The following SLC16A3 variants were observed in gnomAD, a reference collection of about 807,000 sequenced individuals.
SLC16A3 encodes monocarboxylate transporter 4.
SLC16A3 carries 22 observed loss-of-function variants against 25.0 expected under a neutral mutation model. The ratio of observed to expected loss-of-function variants is 0.88; its 90% CI spans 0.63 to 1.26. SLC16A3 has a LOEUF of 1.26. SLC16A3 is among the 50% of genes most tolerant of loss of function. The pLI, the probability that SLC16A3 is intolerant of heterozygous loss-of-function variation, is 0.00. For synonymous variants in SLC16A3, 390 were observed against 309.2 expected, an observed-to-expected ratio of 1.26 and a Z score of -2.74; for missense variants, 731 against 666.6, an observed-to-expected ratio of 1.10 and a Z score of -1.06.
At chr17:82,221,244 G>A (rs1460182938) in intron 1 of SLC16A3, among the ~76,000 whole-genome samples, 1 of 152,090 alleles carries the variant, frequency 6.6e-6, no homozygotes, top group African/African-American at 2.4e-5. Context: ...TCTGTTAAGA[G>A]TTTAATACCC....
intron 1 of SLC16A3, among the ~76,000 whole-genome samples, chr17:82,219,745 G>T (rs2050377731): frequency 6.6e-6 from 1 of 152,130 alleles, no homozygotes; most frequent in Non-Finnish European, 1.5e-5. Flanking sequence ...AAAGGCGGGG[G>T]GTCTGCGCTG....
At position 82,237,581 on chromosome 17, in the gene SLC16A3, G is replaced by A. The variant is rs2050639883; in HGVS notation, c.811G>A (p.Gly271Ser). The A allele has an allele frequency of 6.2e-7, 1 of 1,612,314 alleles. No individual in the cohort carries two copies. The highest frequency in any genetic ancestry group is 8.5e-7 in the Non-Finnish European group (1 of 1,179,648). The change falls in exon 4 of 5, where the codon GGC (glycine) becomes AGC (serine). Residue 271 changes from glycine to serine, a missense_variant. Physicochemically the swap from Gly to Ser is moderately conservative, Grantham distance 56. Transcript: ENST00000582743. ...TKAAFLLTILGFIDIFARPAA... is the reference protein window; with the variant it reads ...TKAAFLLTILSFIDIFARPAA... ...GGCCGCCTTCCTGCTCACCATCCTG[G>A]GCTTCATTGACATCTTCGCGCGGCC... is the stretch of plus-strand genomic sequence containing the variant.
rs527618385 is a variant in SLC16A3, at chr17:82,236,670, G to T, written c.224-59G>T. On this transcript the variant is annotated intron_variant, in intron 2 of 4. Transcript: ENST00000582743. ...CCGGCTCCAGGCTGTGAGCTCAGTCGGCTGGCGGGGGTAGAGCTGGCTGCA... is the reference window on the plus strand; with the variant it reads ...CCGGCTCCAGGCTGTGAGCTCAGTCTGCTGGCGGGGGTAGAGCTGGCTGCA... 4 of 1,572,636 alleles carry T rather than the reference G, an allele frequency of 2.5e-6. No individual in the cohort carries two copies. In the Admixed American group the frequency reaches 5.1e-5, roughly 20 times the overall value.
chr17:82,229,287 C>T (rs963015051), intron 1 of SLC16A3, 181 bp downstream of exon 1: 7 of 151,480 alleles, frequency 4.6e-5, no homozygotes, highest in African/African-American at 9.8e-5. Context: ...ACCGAGGGCT[C>T]CCGAGAGCCA....
At chr17:82,228,131 A>C (rs890527957), upstream of SLC16A3, among the ~76,000 whole-genome samples, 2 of 152,186 alleles carry the variant, frequency 1.3e-5, no homozygotes, top group African/African-American at 4.8e-5. Context: ...GGTGGCCCTG[A>C]CAACTAGACT....
At chr17:82,234,992 AG>A (rs2050573470) in intron 1 of SLC16A3, 1 of 152,248 alleles carries the variant, frequency 6.6e-6, no homozygotes, top group African/African-American at 2.4e-5. Context: ...CTCAGGTTGC[AG>A]CTCCCTGGTG....
upstream of SLC16A3, among the ~76,000 whole-genome samples, chr17:82,228,022 C>T (rs370849474): frequency 1.3e-4 from 20 of 152,202 alleles, no homozygotes; most frequent in African/African-American, 4.6e-4. Context: ...ATACCCCCTG[C>T]CTCCTTTGTG....
chr17:82,220,621 T>G (rs138098153), intron 1 of SLC16A3, among the ~76,000 whole-genome samples: 48 of 152,224 alleles, frequency 3.2e-4, no homozygotes, highest in African/African-American at 1.1e-3. Context: ...AAAAAAATTT[T>G]TTTTAAGTAA....
At position 82,236,003 on chromosome 17, in the gene SLC16A3, C is replaced by T; in HGVS notation, c.-6C>T. 6.2e-7 allele frequency: 1 copy of T among 1,609,764 alleles called. No homozygotes were observed. The highest frequency in any genetic ancestry group is 2.2e-5 in the East Asian group (1 of 44,844). ...CTCAGGTGAGGCGGAACCAACCCTC[C>T]TGGCCATGGGAGGGGCCGTGGTGGA... is the stretch of plus-strand genomic sequence containing the variant. On this transcript the variant is annotated 5_prime_UTR_variant, in exon 2 of 5. Transcript: ENST00000582743.
chr17:82,229,075 AGAGGCG>A lies in SLC16A3; in HGVS notation c.-56_-51del, dbSNP rs1568532477. On this transcript the variant is annotated 5_prime_UTR_variant, in exon 1 of 5. Coordinates refer to ENST00000582743, the MANE Select transcript of SLC16A3 (RefSeq NM_004207.4). ...CGGGCAGAGGCGGCGAGAGGCGGCG[AGAGGCG>A]GGCTGAGGCGGCCCAGCGGCGGCAG... 5.8e-3 allele frequency: 691 copies of A among 118,336 alleles called. 1 individual carries two copies. Among genetic ancestry groups the A allele is most frequent in the Non-Finnish European group, 9.1e-3 (507 of 55,548 alleles). 7.3% of individuals were successfully genotyped at this position (118,336 alleles called of 1,614,324 possible).
Position 82,239,650 on chromosome 17 carries a change from G to A in SLC16A3, c.*674G>A, listed in dbSNP as rs1599565226. 3.4e-6 allele frequency: 1 copy of A among 293,390 alleles called. No homozygotes were observed. The highest frequency in any genetic ancestry group is 6.3e-6 in the Non-Finnish European group (1 of 159,232). The allele number at this position is 293,390 out of a possible 1,614,324, so 18.2% of individuals were successfully genotyped here. On this transcript the variant is annotated 3_prime_UTR_variant, in exon 5 of 5. Coordinates refer to ENST00000582743, the MANE Select transcript of SLC16A3 (RefSeq NM_004207.4). ...CTGCATGGAGGGGGCTGCGGGGCAG[G>A]TGCCTGGAGGCCGCTGTGCCAGGGT...
In SLC16A3 at chr17:82,239,147, A is replaced by G. The variant is rs1804955; in HGVS notation, c.*171A>G. ...TGAGGGGGAAGGTGGCGGGGTGGGA[A>G]CCGTGTCATTCCAGAGTGGATCTGC... is the stretch of plus-strand genomic sequence containing the variant. On this transcript the variant is annotated 3_prime_UTR_variant, in exon 5 of 5. Transcript: ENST00000582743. 5 of 627,698 alleles carry G rather than the reference A, an allele frequency of 8.0e-6. No individual in the cohort carries two copies. The highest frequency in any genetic ancestry group is 1.3e-5 in the Non-Finnish European group (5 of 387,456). 38.9% of individuals were successfully genotyped at this position (627,698 alleles called of 1,614,324 possible). A position where few individuals can be genotyped will look rare whatever the true frequency, so the allele number is the denominator to read the frequency against.
At chr17:82,235,771 G>A (rs1008857640) in intron 1 of SLC16A3, 12 of 586,382 alleles carry the variant, frequency 2.0e-5, no homozygotes, top group Non-Finnish European at 3.4e-5. Flanking sequence ...GGGTGCAGGA[G>A]GCAGTGCAGA....
chr17:82,230,794 A>T (rs1599552955), intron 1 of SLC16A3: 2 of 151,848 alleles, frequency 1.3e-5, no homozygotes, highest in South Asian at 4.1e-4. Context: ...GACAGAGCTC[A>T]GGGCGTCCTC....
intron 1 of SLC16A3, chr17:82,235,682 C>T (rs373444360): frequency 1.6e-5 from 7 of 436,906 alleles, no homozygotes; most frequent in South Asian, 9.4e-5. Flanking sequence ...ATGTTCCTGT[C>T]GGGGGCTGCT....
upstream of SLC16A3, among the ~76,000 whole-genome samples, chr17:82,225,448 C>T (rs571361519): frequency 2.0e-5 from 3 of 152,278 alleles, no homozygotes; most frequent in South Asian, 6.2e-4. Context: ...TCCCGCCACA[C>T]GCCCCGCGTG....
At chr17:82,228,130 G>A (rs898873335), upstream of SLC16A3, among the ~76,000 whole-genome samples, 1 of 152,250 alleles carries the variant, frequency 6.6e-6, no homozygotes, top group Non-Finnish European at 1.5e-5. Context: ...GGGTGGCCCT[G>A]ACAACTAGAC....
chr17:82,235,473 G>A (rs567175650), intron 1 of SLC16A3: 8 of 165,182 alleles, frequency 4.8e-5, no homozygotes, highest in Admixed American at 4.5e-4. Context: ...GGCCCTTGGG[G>A]GCAGGAGAGC....
At chr17:82,228,157 A>G (rs2050439315), upstream of SLC16A3, among the ~76,000 whole-genome samples, 2 of 152,268 alleles carry the variant, frequency 1.3e-5, no homozygotes, top group African/African-American at 4.8e-5. Context: ...GTCCAGGCCA[A>G]CAAAGGCCTT....
Sources: gnomAD v4.1 joint callset for allele counts (sites outside exome capture counted in the v4.1 genomes callset) on GRCh38, gnomAD v4.1.1 for gene constraint, MANE v1.5 for transcripts, NCBI Gene and HGNC (gene_info 2026-07-23, HGNC 2026-07-21) for gene names.